Variants in ATP6V1G3 observed in about 807,000 individuals in gnomAD.
ATP6V1G3 encodes the protein ATPase H+ transporting V1 subunit G3, also known as V-type proton ATPase subunit G 3.
ATP6V1G3 carries 9 observed loss-of-function variants against 9.3 expected under a neutral mutation model. That is an observed-to-expected ratio of 0.97 (90% CI 0.59 to 1.69). ATP6V1G3 has a LOEUF of 1.69. ATP6V1G3 is among the 40% of genes most tolerant of loss of function. ATP6V1G3 has a pLI of 0.00. For synonymous variants in ATP6V1G3, 43 were observed against 43.8 expected (o/e 0.98, Z 0.07); for missense variants, 133 against 139.0 (o/e 0.96, Z 0.22).
At chr1:198,537,666 T>C (rs1283829293) in intron 1 of ATP6V1G3, among the ~76,000 whole-genome samples, 1 of 152,252 alleles carries the variant, frequency 6.6e-6, no homozygotes, top group Non-Finnish European at 1.5e-5. Flanking sequence ...TTTACTAAAA[T>C]GATAACTATC....
chr1:198,523,361 T>C lies in ATP6V1G3; in HGVS notation c.*30A>G, dbSNP rs915362328. On this transcript the variant is annotated 3_prime_UTR_variant, in exon 3 of 3. Transcript: ENST00000367382. ...AGCAACCAGGTGGCACTCACACACCTTTTTTTTTCTTGAAAACTGTGATGT... is the reference window on the plus strand; with the variant it reads ...AGCAACCAGGTGGCACTCACACACCCTTTTTTTTCTTGAAAACTGTGATGT... 1 of 1,568,914 alleles carries C rather than the reference T, an allele frequency of 6.4e-7. No individual in the cohort carries two copies. Among genetic ancestry groups the C allele is most frequent in the African/African-American group, 1.4e-5 (1 of 73,122 alleles).
At chr1:198,538,437 C>T (rs1406818649) in intron 1 of ATP6V1G3, among the ~76,000 whole-genome samples, 4 of 151,502 alleles carry the variant, frequency 2.6e-5, no homozygotes, top group Non-Finnish European at 5.9e-5. Flanking sequence ...TTTAATGACT[C>T]GAAAAAAGGA....
intron 1 of ATP6V1G3, among the ~76,000 whole-genome samples, chr1:198,531,930 G>A (rs1659916806): frequency 6.6e-6 from 1 of 151,912 alleles, no homozygotes; most frequent in South Asian, 2.1e-4. Context: ...TTAGGAAAAC[G>A]GGTCCAATTC....
At chr1:198,527,979 A>T (rs1265156069) in intron 2 of ATP6V1G3, among the ~76,000 whole-genome samples, 1 of 152,148 alleles carries the variant, frequency 6.6e-6, no homozygotes, top group Non-Finnish European at 1.5e-5. Context: ...AGAATGGTAC[A>T]TGTGAAGGCC....
At chr1:198,535,906 T>G (rs1469334068) in intron 1 of ATP6V1G3, among the ~76,000 whole-genome samples, 2 of 152,200 alleles carry the variant, frequency 1.3e-5, no homozygotes, top group African/African-American at 4.8e-5. Context: ...GAGCAGTGTG[T>G]TCTTCACTTG....
At chr1:198,525,767 A>G (rs1659627910) in intron 2 of ATP6V1G3, among the ~76,000 whole-genome samples, 1 of 152,156 alleles carries the variant, frequency 6.6e-6, no homozygotes, top group African/African-American at 2.4e-5. Context: ...CTACACTTCA[A>G]GTGCTTAGTA....
chr1:198,536,491 T>A (rs935557516), intron 1 of ATP6V1G3, among the ~76,000 whole-genome samples: 9 of 152,214 alleles, frequency 5.9e-5, no homozygotes, highest in Non-Finnish European at 1.0e-4. Context: ...ATGAACAATT[T>A]ATTAAGTAAA....
intron 1 of ATP6V1G3, among the ~76,000 whole-genome samples, chr1:198,538,904 A>AAAAAAAAG (rs974518506): frequency 1.3e-5 from 2 of 151,728 alleles, no homozygotes; most frequent in African/African-American, 4.8e-5. Context: ...AAAAAAAAAA[A>AAAAAAAAG]AAGAAGAAGA....
chr1:198,524,379 T>C (rs561135230), intron 2 of ATP6V1G3, among the ~76,000 whole-genome samples: 33 of 152,208 alleles, frequency 2.2e-4, no homozygotes, highest in African/African-American at 7.7e-4. Flanking sequence ...TTCCTCAGCC[T>C]CCCAAAGTGC....
At position 198,529,092 on chromosome 1, in the gene ATP6V1G3, T is replaced by C. The variant is rs773304511; in HGVS notation, c.172A>G (p.Lys58Glu). Residue 58 changes from lysine to glutamate, a missense_variant, in exon 2 of 3, where the codon AAA becomes GAA. Transcript: ENST00000367382. ...ACTTTCTTACTCACCTTAGATTGTTTTAGTCGAAACTCTTTATCTCTCTGC... is the reference window on the plus strand; with the variant it reads ...ACTTTCTTACTCACCTTAGATTGTTCTAGTCGAAACTCTTTATCTCTCTGC... Reference protein sequence around the residue: ...RMQRDKEFRLKQSKIMGSQNN... With the variant: ...RMQRDKEFRLEQSKIMGSQNN... The C allele has an allele frequency of 6.6e-7, 1 of 1,512,320 alleles. No individual in the cohort carries two copies. Among genetic ancestry groups the C allele is most frequent in the South Asian group, 1.2e-5 (1 of 84,144 alleles). 93.7% of individuals were successfully genotyped at this position (1,512,320 alleles called of 1,614,324 possible).
Position 198,535,809 on chromosome 1 carries a change from G to A in ATP6V1G3, c.82+4760C>T, listed in dbSNP as rs185500313. On this transcript the variant is annotated intron_variant, in intron 1 of 2. Transcript: ENST00000367382. The stretch of plus-strand genomic sequence containing the variant: ...GAGGTAACCCACCCAAGGTCACACA[G>A]CTAATAAGAAGCAGAAGTTAGACTG... 4.6e-5 allele frequency among the ~76,000 whole-genome samples: 7 copies of A among 152,196 alleles called. No individual in the cohort carries two copies. The East Asian group carries it at 1.4e-3, about 29-fold the overall frequency.
At chr1:198,536,117 G>A (rs1487700138) in intron 1 of ATP6V1G3, among the ~76,000 whole-genome samples, 1 of 152,024 alleles carries the variant, frequency 6.6e-6, no homozygotes, top group East Asian at 1.9e-4. Context: ...TTATTTCTAG[G>A]AGAGTATGCC....
At chr1:198,531,207 T>A (rs903823670) in intron 1 of ATP6V1G3, among the ~76,000 whole-genome samples, 1 of 152,136 alleles carries the variant, frequency 6.6e-6, no homozygotes, top group African/African-American at 2.4e-5. Context: ...CACAGCAATT[T>A]TCTTGATAGA....
rs184322348 is a variant in ATP6V1G3 at position 198,527,708 on chromosome 1, A to C, written c.183+1373T>G. On this transcript the variant is annotated intron_variant, in intron 2 of 2. Transcript: ENST00000367382. ...CTACTGTGTGGCAGGCACTGTTCTA[A>C]TGTCTAGGAAAACAGAGAACAAAAC... Among the ~76,000 whole-genome samples the C allele has an allele frequency of 2.3e-3, 347 of 152,278 alleles. 2 individuals carry two copies. The highest frequency in any genetic ancestry group is 3.1e-3 in the South Asian group (15 of 4,826).
chr1:198,529,887 A>T (rs1168932745), intron 1 of ATP6V1G3, among the ~76,000 whole-genome samples: 1 of 152,106 alleles, frequency 6.6e-6, no homozygotes, highest in Non-Finnish European at 1.5e-5. Context: ...TTTTATTAAG[A>T]GCAAAGGTGT....
chr1:198,540,451 AG>A (rs1660298961), intron 1 of ATP6V1G3, 117 bp downstream of exon 1: 1 of 958,636 alleles, frequency 1.0e-6, no homozygotes, highest in African/African-American at 1.6e-5. Context: ...AAGGTCTCAC[AG>A]GGAGTACAGT....
In ATP6V1G3 at chr1:198,523,602, C is replaced by A. The variant is rs114231210; in HGVS notation, c.184-38G>T. On this transcript the variant is annotated intron_variant, in intron 2 of 2. Coordinates refer to ENST00000367382, the MANE Select transcript of ATP6V1G3 (RefSeq NM_001376861.1). The stretch of plus-strand genomic sequence containing the variant: ...AACAGACAGAATTCACATCATAATA[C>A]AATTGTTTTACAAGTTAAATTTGTC... The A allele has an allele frequency of 6.0e-4, 954 of 1,578,734 alleles. 7 individuals are homozygous for A. The African/African-American group carries it at 0.011, about 18-fold the overall frequency.
intron 2 of ATP6V1G3, among the ~76,000 whole-genome samples, chr1:198,528,302 G>A (rs750201139): frequency 6.6e-5 from 10 of 152,098 alleles, no homozygotes; most frequent in Non-Finnish European, 1.3e-4. Flanking sequence ...TAAAATAGAA[G>A]TTGTAAATAA....
rs1443078628 is a variant in ATP6V1G3 at position 198,529,143 on chromosome 1, T to C, written c.121A>G (p.Met41Val). The change falls in exon 2 of 3, where the codon ATG (methionine) becomes GTG (valine). Residue 41 changes from methionine to valine, a missense_variant. Physicochemically the swap from Met to Val is conservative, Grantham distance 21 (BLOSUM62 1). Coordinates refer to ENST00000367382, the MANE Select transcript of ATP6V1G3 (RefSeq NM_001376861.1). ...ATTCTGTACTGGTCAATTTCTACCA[T>C]TGCTTCCTCCTTGGCTTGCTTCAAT... ...KRLKQAKEEA[M>V]VEIDQYRMQR... is the part of the protein sequence containing the mutation. The C allele has an allele frequency of 6.9e-7, 1 of 1,457,764 alleles. No individual in the cohort carries two copies. Among genetic ancestry groups the C allele is most frequent in the Non-Finnish European group, 9.1e-7 (1 of 1,095,672 alleles). The allele number at this position is 1,457,764 out of a possible 1,614,324, so 90.3% of individuals were successfully genotyped here. A position where few individuals can be genotyped will look rare whatever the true frequency, so the allele number is the denominator to read the frequency against.
Sources: gnomAD v4.1 joint callset for allele counts (sites outside exome capture counted in the v4.1 genomes callset) on GRCh38, gnomAD v4.1.1 for gene constraint, MANE v1.5 for transcripts, NCBI Gene and HGNC (gene_info 2026-07-23, HGNC 2026-07-21) for gene names.